SYN3: variants seen among roughly 807,000 people sequenced by gnomAD.
SYN3 encodes the protein synapsin III.
In SYN3, 35 loss-of-function variants were observed where a neutral mutation model predicts 65.8. That is an observed-to-expected ratio of 0.53 (90% CI 0.41 to 0.70). SYN3 has a LOEUF of 0.70. Among genes scored for constraint, SYN3 ranks in the 30% least tolerant of loss-of-function variants. The pLI is 0.00. For synonymous variants in SYN3, 270 were observed against 292.9 expected, an observed-to-expected ratio of 0.92 and a Z score of 0.80; for missense variants, 680 against 749.0, an observed-to-expected ratio of 0.91 and a Z score of 1.08.
chr22:32,614,217 G>A (rs1425563724), intron 6 of SYN3, among the ~76,000 whole-genome samples: 1 of 152,208 alleles, frequency 6.6e-6, no homozygotes, highest in Non-Finnish European at 1.5e-5. Context: ...TTTCCAAAGT[G>A]ACATCTGACA....
At chr22:32,594,221 G>A (rs2059166452) in intron 7 of SYN3, among the ~76,000 whole-genome samples, 2 of 152,132 alleles carry the variant, frequency 1.3e-5, no homozygotes, top group Non-Finnish European at 2.9e-5. Context: ...AGTGGGGCAG[G>A]GGGCCTCCTG....
chr22:32,645,291 C>A (rs131062), intron 6 of SYN3, among the ~76,000 whole-genome samples: 113,763 of 151,642 alleles, frequency 0.75, 43,106 homozygotes, highest in East Asian at 0.95. Flanking sequence ...GTCTCTACTA[C>A]AAATACAAAA....
At chr22:32,516,964 C>A (rs986195303) in intron 13 of SYN3, among the ~76,000 whole-genome samples, 1 of 152,128 alleles carries the variant, frequency 6.6e-6, no homozygotes, top group Non-Finnish European at 1.5e-5. Context: ...CAACATTTGG[C>A]CTTGAAAGAA....
chr22:32,509,858 G>A lies in SYN3; in HGVS notation c.*3834C>T, dbSNP rs1285150841. On this transcript the variant is annotated 3_prime_UTR_variant, in exon 14 of 14. Coordinates refer to ENST00000358763, the MANE Select transcript of SYN3 (RefSeq NM_003490.4). ...GCTGGGATTACTGATGTGAGCCACT[G>A]CGCCTGGCCCCAGTGGGGAAATTAT... is the stretch of plus-strand genomic sequence containing the variant. Among the ~76,000 whole-genome samples, 1 of 152,156 alleles carries A rather than the reference G, an allele frequency of 6.6e-6. No homozygotes were observed. The highest frequency in any genetic ancestry group is 1.9e-4 in the East Asian group (1 of 5,188).
chr22:32,563,769 A>C (rs542175346), intron 7 of SYN3, among the ~76,000 whole-genome samples: 2 of 152,294 alleles, frequency 1.3e-5, no homozygotes, highest in Non-Finnish European at 2.9e-5. Flanking sequence ...TCCCAGGTTC[A>C]AGCGATTCTC....
intron 1 of SYN3, among the ~76,000 whole-genome samples, chr22:33,019,624 A>G (rs77453044): frequency 0.014 from 2,071 of 152,234 alleles, 49 homozygotes; most frequent in African/African-American, 0.047. Context: ...TTATTTATTT[A>G]TTACAGTTGA....
Position 32,931,444 on chromosome 22 carries a change from G to T in SYN3, c.407C>A (p.Thr136Asn), listed in dbSNP as rs761460265. The T allele has an allele frequency of 1.2e-6, 2 of 1,613,982 alleles. No individual in the cohort carries two copies. The highest frequency in any genetic ancestry group is 2.2e-5 in the South Asian group (2 of 91,078). The change falls in exon 4 of 14, where the codon ACC becomes AAC. Residue 136 changes from threonine (T) to asparagine (N), a missense_variant. By Grantham distance (65) the Thr-to-Asn change is moderately conservative. Transcript: ENST00000358763. ...FSELNLAAYV[T>N]GGCMVDMQVV... ...CTGCATGTCCACCATGCAGCCCCCG[G>T]TCACATAGGCAGCTAGGTTCAACTC...
intron 1 of SYN3, 47 bp from the exon 2 acceptor site, chr22:33,006,871 CT>C (rs2053212827): frequency 6.2e-6 from 3 of 483,934 alleles, no homozygotes; most frequent in South Asian, 9.0e-5. Context: ...CCTCCACCCC[CT>C]TAAGAGCAAA....
At chr22:32,714,288 A>C (rs1423412950) in intron 6 of SYN3, among the ~76,000 whole-genome samples, 1 of 152,246 alleles carries the variant, frequency 6.6e-6, no homozygotes, top group Non-Finnish European at 1.5e-5. Context: ...ACTGACAGTT[A>C]TGTGACTGTG....
intron 6 of SYN3, chr22:32,783,267 C>T (rs1380204464): frequency 2.6e-5 from 4 of 152,158 alleles, no homozygotes; most frequent in Admixed American, 2.6e-4. Flanking sequence ...GACCTGTGGC[C>T]TCAGTTGGAG....
intron 7 of SYN3, among the ~76,000 whole-genome samples, chr22:32,560,527 T>G (rs1307950001): frequency 6.6e-6 from 1 of 152,106 alleles, no homozygotes; most frequent in Non-Finnish European, 1.5e-5. Flanking sequence ...TCCTGTCGAT[T>G]CCAGGCAGAC....
chr22:32,925,624 C>T (rs2050447347), intron 4 of SYN3, among the ~76,000 whole-genome samples: 1 of 152,128 alleles, frequency 6.6e-6, no homozygotes, highest in Non-Finnish European at 1.5e-5. Flanking sequence ...CTAGGAGTGT[C>T]CTCAGCTTTT....
chr22:32,676,059 T>G (rs1457079042), intron 6 of SYN3, among the ~76,000 whole-genome samples: 1 of 151,434 alleles, frequency 6.6e-6, no homozygotes, highest in East Asian at 1.9e-4. Context: ...GGATGAACTC[T>G]GAGGATGAAG....
intron 7 of SYN3, among the ~76,000 whole-genome samples, chr22:32,593,863 A>G (rs979406957): frequency 6.6e-6 from 1 of 152,146 alleles, no homozygotes; most frequent in African/African-American, 2.4e-5. Context: ...GGGATGATGC[A>G]GGAAGAAAAG....
intron 1 of SYN3, among the ~76,000 whole-genome samples, chr22:33,021,781 CTTA>C (rs754898607): frequency 6.3e-5 from 4 of 63,848 alleles, no homozygotes; most frequent in South Asian, 8.1e-4. Flanking sequence ...TATACTGTAA[CTTA>C]TTTTTTTTTT....
chr22:32,758,731 CCTGA>C (rs1283122007), intron 6 of SYN3, among the ~76,000 whole-genome samples: 7 of 95,024 alleles, frequency 7.4e-5, no homozygotes, highest in Admixed American at 3.8e-4. Flanking sequence ...TCTTGGGAAC[CCTGA>C]CTAACACACT....
intron 3 of SYN3, among the ~76,000 whole-genome samples, chr22:32,940,122 T>C (rs1290078799): frequency 6.6e-6 from 1 of 152,244 alleles, no homozygotes; most frequent in African/African-American, 2.4e-5. Context: ...CTGACCACTT[T>C]TTCATGTGCT....
chr22:32,655,069 A>G (rs4507194), intron 6 of SYN3, among the ~76,000 whole-genome samples: 16,432 of 152,164 alleles, frequency 0.11, 2,538 homozygotes, highest in African/African-American at 0.35. Flanking sequence ...TGTCCCTCCA[A>G]ATTTATATGT....
intron 6 of SYN3, among the ~76,000 whole-genome samples, chr22:32,808,926 G>A (rs1316044532): frequency 6.6e-6 from 1 of 152,168 alleles, no homozygotes; most frequent in African/African-American, 2.4e-5. Flanking sequence ...ACTTTAGAGG[G>A]TAAGCACCCA....
Sources: allele counts gnomAD v4.1 joint callset (sites outside exome capture counted in the v4.1 genomes callset), GRCh38; gene constraint gnomAD v4.1.1; transcripts MANE v1.5; gene names NCBI Gene and HGNC (gene_info 2026-07-23, HGNC 2026-07-21).